ZDHHC17: variants seen among roughly 807,000 people sequenced by gnomAD.
ZDHHC17 encodes the protein palmitoyltransferase ZDHHC17.
A neutral mutation model predicts 90.3 loss-of-function variants in ZDHHC17; 40 were observed. The ratio of observed to expected loss-of-function variants is 0.44; its 90% confidence interval spans 0.34 to 0.58. ZDHHC17 has a LOEUF of 0.58. Among genes scored for constraint, ZDHHC17 ranks in the 20% least tolerant of loss-of-function variants. The probability of loss-of-function intolerance (pLI) is 0.01; values close to 1 mark genes in which losing one functional copy is unlikely to be tolerated. For synonymous variants in ZDHHC17, 235 were observed against 252.4 expected, an observed-to-expected ratio of 0.93 and a Z score of 0.65; for missense variants, 614 against 780.8, an observed-to-expected ratio of 0.79 and a Z score of 2.55.
At chr12:76,790,389 C>G (rs114379860) in intron 1 of ZDHHC17, among the ~76,000 whole-genome samples, 1,787 of 152,208 alleles carry the variant, frequency 0.012, 36 homozygotes, top group African/African-American at 0.041. Flanking sequence ...GTAGTCCCAG[C>G]TACCCTGGAG....
At chr12:76,846,249 C>T (rs1486885066) in intron 13 of ZDHHC17, 2 of 258,974 alleles carry the variant, frequency 7.7e-6, no homozygotes, top group Non-Finnish European at 1.5e-5. Context: ...AGATTGTTTA[C>T]CTCTGTTGAA....
chr12:76,816,262 AC>A (rs34545672), intron 7 of ZDHHC17, among the ~76,000 whole-genome samples: 1 of 151,744 alleles, frequency 6.6e-6, no homozygotes, highest in Admixed American at 6.6e-5. Context: ...TGATAGGAGG[AC>A]CCCCACCCCA....
At position 76,822,521 on chromosome 12, in the gene ZDHHC17, A is replaced by C; in HGVS notation, c.887A>C (p.Lys296Thr). 1 of 1,598,852 alleles carries C rather than the reference A, an allele frequency of 6.3e-7. No homozygotes were observed. The highest frequency in any genetic ancestry group is 8.5e-7 in the Non-Finnish European group (1 of 1,171,930). ...AATCCGTCCTTCCTTAGAAAGCTGA[A>C]AGCTGATAAGGTAAACTCATAACTG... ...YDNPSFLRKL[K>T]ADKEFRQKVM... is the part of the protein sequence containing the mutation. Residue 296 changes from lysine (K) to threonine (T), a missense_variant, in exon 8 of 17, where the codon AAA becomes ACA. Coordinates refer to ENST00000426126, the MANE Select transcript of ZDHHC17 (RefSeq NM_015336.4).
In ZDHHC17 at chr12:76,764,307, G is replaced by A. The variant is rs1057280508; in HGVS notation, c.71G>A (p.Cys24Tyr). ...GATGAGTACGATACCGAAGCGGGCT[G>A]TGTGCCCCTTCTCCACCCAGAGGTG... ...GPDEYDTEAG[C>Y]VPLLHPEEIK... The change falls in exon 1 of 17, where the codon TGT (cysteine) becomes TAT (tyrosine). Residue 24 changes from cysteine (C) to tyrosine (Y), a missense_variant. Coordinates refer to ENST00000426126, the MANE Select transcript of ZDHHC17 (RefSeq NM_015336.4). 6 of 1,603,876 alleles carry A rather than the reference G, an allele frequency of 3.7e-6. No individual in the cohort carries two copies. Among genetic ancestry groups the A allele is most frequent in the African/African-American group, 2.7e-5 (2 of 74,686 alleles).
chr12:76,768,776 A>G (rs986449807), intron 1 of ZDHHC17, among the ~76,000 whole-genome samples: 1 of 152,184 alleles, frequency 6.6e-6, no homozygotes, highest in Non-Finnish European at 1.5e-5. Flanking sequence ...CCCTTCTGCC[A>G]CAGTATCACA....
At chr12:76,786,877 G>C (rs547543337) in intron 1 of ZDHHC17, among the ~76,000 whole-genome samples, 1 of 152,270 alleles carries the variant, frequency 6.6e-6, no homozygotes, top group East Asian at 1.9e-4. Context: ...GTTGCCTGCT[G>C]AACTAGATGC....
intron 4 of ZDHHC17, 88 bp from the exon 5 acceptor site, chr12:76,809,625 C>T (rs1342426307): frequency 1.3e-5 from 14 of 1,094,974 alleles, no homozygotes; most frequent in Non-Finnish European, 1.7e-5. Context: ...GTAATCTTCC[C>T]ACCATACCTT....
intron 8 of ZDHHC17, 105 bp from the exon 9 acceptor site, chr12:76,826,803 A>T: frequency 8.3e-7 from 1 of 1,201,022 alleles, no homozygotes; most frequent in East Asian, 2.8e-5. Flanking sequence ...AATTTGAGTG[A>T]ATGAATTTCA....
At chr12:76,786,345 G>A (rs1306603302) in intron 1 of ZDHHC17, among the ~76,000 whole-genome samples, 2 of 151,906 alleles carry the variant, frequency 1.3e-5, no homozygotes, top group Non-Finnish European at 2.9e-5. Flanking sequence ...GCAGTGGCAC[G>A]ATCTGGGTTG....
chr12:76,833,333 C>G lies in ZDHHC17; in HGVS notation c.1141+4843C>G, dbSNP rs139857085. On this transcript the variant is annotated intron_variant, in intron 10 of 16. Coordinates refer to ENST00000426126, the MANE Select transcript of ZDHHC17 (RefSeq NM_015336.4). ...CTCTGAGAAGTTGTTATGTCTTGCTCAAAGTCACATAGGTGGGAAATTATT... is the reference window on the plus strand; with the variant it reads ...CTCTGAGAAGTTGTTATGTCTTGCTGAAAGTCACATAGGTGGGAAATTATT... Among the ~76,000 whole-genome samples, 1,029 of 152,256 alleles carry G rather than the reference C, an allele frequency of 6.8e-3. 5 individuals are homozygous for G. Among genetic ancestry groups the G allele is most frequent in the South Asian group, 0.015 (73 of 4,826 alleles).
intron 12 of ZDHHC17, among the ~76,000 whole-genome samples, chr12:76,843,503 T>A (rs1027305783): frequency 1.3e-5 from 2 of 152,012 alleles, no homozygotes; most frequent in African/African-American, 4.8e-5. Flanking sequence ...AAAGTGGTCA[T>A]CCTCATCCAG....
In ZDHHC17 at chr12:76,764,172, C is replaced by A; in HGVS notation, c.-65C>A. 7.7e-7 allele frequency: 1 copy of A among 1,300,588 alleles called. No individual in the cohort carries two copies. The highest frequency in any genetic ancestry group is 1.0e-6 in the Non-Finnish European group (1 of 968,298). 80.6% of individuals were successfully genotyped at this position (1,300,588 alleles called of 1,614,324 possible). On this transcript the variant is annotated 5_prime_UTR_variant, in exon 1 of 17. Coordinates refer to ENST00000426126, the MANE Select transcript of ZDHHC17 (RefSeq NM_015336.4). ...CCCGCGTCGCCTCCGGCGGGGCTCGCGCTCGCCCCGCGCTCGCCCTCCGCC... is the reference window on the plus strand; with the variant it reads ...CCCGCGTCGCCTCCGGCGGGGCTCGAGCTCGCCCCGCGCTCGCCCTCCGCC...
At chr12:76,791,481 G>A (rs954567179) in intron 1 of ZDHHC17, among the ~76,000 whole-genome samples, 24 of 151,958 alleles carry the variant, frequency 1.6e-4, no homozygotes, top group African/African-American at 5.1e-4. Flanking sequence ...AGCTTTATAC[G>A]TATGCTTTTT....
At chr12:76,826,759 C>A (rs1001226263) in intron 8 of ZDHHC17, 149 bp from the exon 9 acceptor site, 1 of 689,348 alleles carries the variant, frequency 1.5e-6, no homozygotes, top group South Asian at 3.2e-5. Context: ...AGACAGACAC[C>A]AGCACCTTGA....
intron 1 of ZDHHC17, among the ~76,000 whole-genome samples, chr12:76,789,514 C>G (rs1417814702): frequency 1.3e-5 from 2 of 151,994 alleles, no homozygotes; most frequent in Non-Finnish European, 2.9e-5. Flanking sequence ...TTGGTATATG[C>G]AGTGGTATAT....
At chr12:76,827,154 T>G in intron 9 of ZDHHC17, 104 bp downstream of exon 9, 1 of 1,256,258 alleles carries the variant, frequency 8.0e-7, no homozygotes. Context: ...TGATCTTAAT[T>G]TATTTAAATA....
At position 76,812,287 on chromosome 12, in the gene ZDHHC17, C is replaced by T. The variant is rs150264334; in HGVS notation, c.543+2430C>T. Among the ~76,000 whole-genome samples, 6 of 152,240 alleles carry T rather than the reference C, an allele frequency of 3.9e-5. No homozygotes were observed. In the East Asian group the frequency reaches 7.7e-4, roughly 20 times the overall value. ...CTTTGAGCTCCACTTCTGCCATCTC[C>T]CCATCATCACTCTGCTTTAACTGCA... On this transcript the variant is annotated intron_variant, in intron 5 of 16. Coordinates refer to ENST00000426126, the MANE Select transcript of ZDHHC17 (RefSeq NM_015336.4).
Position 76,845,721 on chromosome 12 carries a change from G to A in ZDHHC17, c.1342G>A (p.Val448Met), listed in dbSNP as rs1455480932. The A allele has an allele frequency of 2.6e-5, 42 of 1,602,998 alleles. No homozygotes were observed. The highest frequency in any genetic ancestry group is 3.5e-5 in the Non-Finnish European group (41 of 1,173,364). The part of the protein sequence containing the change: ...FCSTCLIRKP[V>M]RSKHCGVCNR... ...TGCCTATTAACAGATACGAAAACCG[G>A]TGAGGTCCAAACATTGTGGTGTGTG... Residue 448 changes from valine (V) to methionine (M), a missense_variant, in exon 13 of 17, where the codon GTG (valine) becomes ATG (methionine). Val to Met is a conservative substitution (Grantham distance 21). This residue lies in a region of ZDHHC17 where 117 missense variants were observed against 183.6 expected (regional missense o/e 0.64). Coordinates refer to ENST00000426126, the MANE Select transcript of ZDHHC17 (RefSeq NM_015336.4).
At position 76,849,518 on chromosome 12, in the gene ZDHHC17, T is replaced by C. The variant is rs1253370675; in HGVS notation, c.1760+48T>C. On this transcript the variant is annotated intron_variant, in intron 16 of 16. Coordinates refer to ENST00000426126, the MANE Select transcript of ZDHHC17 (RefSeq NM_015336.4). ...AATATTTTACCTGGTCATAAAAATTTTCTTACTAACCAGACTCTTTTACTT... is the reference window on the plus strand; with the variant it reads ...AATATTTTACCTGGTCATAAAAATTCTCTTACTAACCAGACTCTTTTACTT... 12 of 1,271,296 alleles carry C rather than the reference T, an allele frequency of 9.4e-6. No homozygotes were observed. In the South Asian group the frequency reaches 1.6e-4, roughly 17 times the overall value. The allele number at this position is 1,271,296 out of a possible 1,614,324, so 78.8% of individuals were successfully genotyped here.
Sources: gnomAD v4.1 joint callset for allele counts (sites outside exome capture counted in the v4.1 genomes callset) on GRCh38, gnomAD v4.1.1 for gene constraint, gnomAD v4.1.1 regional missense constraint, MANE v1.5 for transcripts, NCBI Gene and HGNC (gene_info 2026-07-23, HGNC 2026-07-21) for gene names.